The following GRID2 variants were observed in gnomAD, a reference collection of about 807,000 sequenced individuals.
GRID2 encodes glutamate ionotropic receptor delta type subunit 2.
GRID2 carries 33 observed loss-of-function variants against 114.8 expected under a neutral mutation model. The ratio of observed to expected loss-of-function variants is 0.29; its 90% confidence interval spans 0.22 to 0.38. The LOEUF (loss-of-function observed/expected upper bound fraction) is 0.38. Among genes scored for constraint, GRID2 ranks in the 10% least tolerant of loss-of-function variants. The pLI is 1.00. For synonymous variants in GRID2, 505 were observed against 449.9 expected (o/e 1.12, Z -1.55); for missense variants, 1,184 against 1,257.7 (o/e 0.94, Z 0.89).
chr4:92,928,062 C>A (rs553859058), intron 2 of GRID2, among the ~76,000 whole-genome samples: 88 of 151,670 alleles, frequency 5.8e-4, no homozygotes, highest in African/African-American at 2.1e-3. Context: ...AAAACTTAAT[C>A]CAGACCAAAA....
chr4:92,913,781 C>T (rs902278745), intron 2 of GRID2, among the ~76,000 whole-genome samples: 1 of 151,618 alleles, frequency 6.6e-6, no homozygotes, highest in Admixed American at 6.6e-5. Context: ...AGAAACGTTT[C>T]ACTAAGTCAC....
intron 1 of GRID2, among the ~76,000 whole-genome samples, chr4:92,349,191 T>G (rs1318584242): frequency 6.6e-6 from 1 of 152,058 alleles, no homozygotes; most frequent in Non-Finnish European, 1.5e-5. Flanking sequence ...TTAAACAATT[T>G]GAAAATGTGA....
At chr4:92,494,781 G>C (rs1307371476) in intron 1 of GRID2, among the ~76,000 whole-genome samples, 1 of 151,702 alleles carries the variant, frequency 6.6e-6, no homozygotes, top group Non-Finnish European at 1.5e-5. Context: ...ACTAAAAAAG[G>C]GGCTATGTAC....
intron 14 of GRID2, among the ~76,000 whole-genome samples, chr4:93,709,584 G>T (rs1237593981): frequency 6.6e-6 from 1 of 152,238 alleles, no homozygotes; most frequent in South Asian, 2.1e-4. Flanking sequence ...TCTGTTTGAT[G>T]TTCTATAATC....
chr4:93,789,666 G>A (rs1274372024), intron 1 of GRID2, among the ~76,000 whole-genome samples: 2 of 152,236 alleles, frequency 1.3e-5, no homozygotes, highest in Admixed American at 1.3e-4. Flanking sequence ...AATAATATGG[G>A]ACATATCAAA....
intron 8 of GRID2, among the ~76,000 whole-genome samples, chr4:93,264,069 T>C (rs1044617012): frequency 6.6e-6 from 1 of 152,200 alleles, no homozygotes; most frequent in Non-Finnish European, 1.5e-5. Flanking sequence ...ACACAGGTTA[T>C]ATTCAGGCAG....
intron 13 of GRID2, among the ~76,000 whole-genome samples, chr4:93,555,395 C>T (rs903963477): frequency 5.3e-5 from 8 of 152,294 alleles, no homozygotes; most frequent in African/African-American, 1.4e-4. Context: ...AGTCTCAAGT[C>T]GACCTGGGAT....
intron 13 of GRID2, among the ~76,000 whole-genome samples, chr4:93,605,148 C>A (rs1740092805): frequency 6.6e-6 from 1 of 152,144 alleles, no homozygotes; most frequent in Admixed American, 6.5e-5. Flanking sequence ...TCCATAGGAA[C>A]AAATATCTTC....
At position 92,338,061 on chromosome 4, in the gene GRID2, AG is replaced by A. The variant is rs1727278800; in HGVS notation, c.88+33320del. Among the ~76,000 whole-genome samples the A allele has an allele frequency of 2.0e-5, 3 of 152,272 alleles. 1 individual carries two copies. The highest frequency in any genetic ancestry group is 4.1e-4 in the South Asian group (2 of 4,832). Reference sequence around the variant, plus strand: ...ACAGTATCTGGTACAAAAAAGAACTAGGGATGCTGCATGGAAGAGATTTTTC... The same window carrying A: ...ACAGTATCTGGTACAAAAAAGAACTAGGATGCTGCATGGAAGAGATTTTTC... On this transcript the variant is annotated intron_variant, in intron 1 of 15. Coordinates refer to ENST00000282020, the MANE Select transcript of GRID2 (RefSeq NM_001510.4).
chr4:92,624,186 G>A (rs769618722), intron 2 of GRID2, among the ~76,000 whole-genome samples: 7 of 151,764 alleles, frequency 4.6e-5, no homozygotes, highest in Non-Finnish European at 8.8e-5. Context: ...GTCCTATGAC[G>A]TAGTGTTTTA....
At chr4:93,483,106 G>A (rs1726037187) in intron 11 of GRID2, among the ~76,000 whole-genome samples, 2 of 151,960 alleles carry the variant, frequency 1.3e-5, no homozygotes. Context: ...TTTAAATGTA[G>A]AATATGCTTA....
At chr4:93,236,175 A>G (rs905159648) in intron 7 of GRID2, among the ~76,000 whole-genome samples, 1 of 152,094 alleles carries the variant, frequency 6.6e-6, no homozygotes, top group Non-Finnish European at 1.5e-5. Flanking sequence ...TAATGATAAT[A>G]AGATGCACTG....
At chr4:93,189,191 G>T (rs573891201) in intron 4 of GRID2, among the ~76,000 whole-genome samples, 92 of 152,176 alleles carry the variant, frequency 6.0e-4, no homozygotes, top group African/African-American at 2.1e-3. Context: ...TTGTCAGTTT[G>T]GGCTGCTGTA....
At chr4:92,779,256 T>G (rs578194460) in intron 2 of GRID2, among the ~76,000 whole-genome samples, 1 of 151,568 alleles carries the variant, frequency 6.6e-6, no homozygotes, top group African/African-American at 2.4e-5. Context: ...ATAAAGTCAA[T>G]GTTGGGGATT....
chr4:92,687,115 C>T (rs1258225505), intron 2 of GRID2, among the ~76,000 whole-genome samples: 1 of 151,908 alleles, frequency 6.6e-6, no homozygotes, highest in African/African-American at 2.4e-5. Flanking sequence ...AGTTACCATG[C>T]CTTTTGAGAT....
chr4:92,541,870 A>T (rs1030480035), intron 1 of GRID2, among the ~76,000 whole-genome samples: 4 of 152,100 alleles, frequency 2.6e-5, no homozygotes, highest in Admixed American at 2.0e-4. Flanking sequence ...ACAACAAAAT[A>T]TTGTGATTTT....
At chr4:93,297,664 A>G (rs911676947) in intron 8 of GRID2, among the ~76,000 whole-genome samples, 3 of 152,202 alleles carry the variant, frequency 2.0e-5, no homozygotes, top group Non-Finnish European at 4.4e-5. Flanking sequence ...GTTAATTAAT[A>G]ATGGTATTGC....
chr4:93,471,648 A>G (rs887412371), intron 11 of GRID2, among the ~76,000 whole-genome samples: 1 of 147,870 alleles, frequency 6.8e-6, no homozygotes, highest in East Asian at 2.0e-4. Context: ...AGTTTAAGAC[A>G]TATTCCTTAT....
At chr4:92,481,156 C>A (rs1399101335) in intron 1 of GRID2, among the ~76,000 whole-genome samples, 1 of 152,054 alleles carries the variant, frequency 6.6e-6, no homozygotes, top group Non-Finnish European at 1.5e-5. Context: ...GACAAGTACA[C>A]AAAATTGGAA....
Sources: allele counts gnomAD v4.1 joint callset (sites outside exome capture counted in the v4.1 genomes callset), GRCh38; gene constraint gnomAD v4.1.1; transcripts MANE v1.5; gene names NCBI Gene and HGNC (gene_info 2026-07-23, HGNC 2026-07-21).